The following EBF1 variants were observed in gnomAD, a reference collection of about 807,000 sequenced individuals.
EBF1 encodes EBF transcription factor 1.
In EBF1, 10 loss-of-function variants were observed where a neutral mutation model predicts 68.4. The observed-to-expected ratio is 0.15, with a 90% CI of 0.09 to 0.25. EBF1 has a LOEUF of 0.25. EBF1 is among the 10% of genes least tolerant of loss of function. The probability of loss-of-function intolerance (pLI) is 1.00; values close to 1 mark genes in which losing one functional copy is unlikely to be tolerated. For synonymous variants in EBF1, 298 were observed against 299.8 expected (o/e 0.99, Z 0.06); for missense variants, 509 against 794.4 (o/e 0.64, Z 4.32).
intron 7 of EBF1, among the ~76,000 whole-genome samples, chr5:158,832,001 G>A (rs1193848846): frequency 2.0e-5 from 3 of 152,178 alleles, no homozygotes; most frequent in African/African-American, 7.2e-5. Context: ...GATTATACAT[G>A]TATAACACTT....
chr5:159,084,545 T>C (rs1396661046), intron 5 of EBF1, 121 bp downstream of exon 5: 1 of 774,164 alleles, frequency 1.3e-6, no homozygotes, highest in Non-Finnish European at 1.9e-6. Context: ...TTTTAGATTG[T>C]CTATAGAAGC....
chr5:158,794,150 C>T (rs1026932513), intron 9 of EBF1, among the ~76,000 whole-genome samples: 5 of 152,144 alleles, frequency 3.3e-5, no homozygotes, highest in African/African-American at 1.2e-4. Flanking sequence ...AAAGCAGGGG[C>T]TGGACAATGA....
At chr5:158,817,657 C>T (rs1170748605) in intron 8 of EBF1, among the ~76,000 whole-genome samples, 2 of 152,190 alleles carry the variant, frequency 1.3e-5, no homozygotes, top group South Asian at 4.1e-4. Context: ...CTCATCTCTT[C>T]GGTTTTGGCA....
chr5:158,975,477 C>T (rs748850715), intron 6 of EBF1, among the ~76,000 whole-genome samples: 5 of 150,864 alleles, frequency 3.3e-5, no homozygotes, highest in South Asian at 2.1e-4. Context: ...CTTTTTTAAA[C>T]GAAAGAGTTT....
At chr5:158,866,504 T>C (rs1007152771) in intron 6 of EBF1, among the ~76,000 whole-genome samples, 1 of 152,106 alleles carries the variant, frequency 6.6e-6, no homozygotes, top group Non-Finnish European at 1.5e-5. Flanking sequence ...TTACTATTAA[T>C]GTAGCTAATA....
chr5:158,873,844 C>A (rs1383772396), intron 6 of EBF1, among the ~76,000 whole-genome samples: 1 of 152,198 alleles, frequency 6.6e-6, no homozygotes, highest in African/African-American at 2.4e-5. Context: ...CACTTAAAAG[C>A]ATCCAGCAGT....
chr5:158,874,167 T>C lies in EBF1; in HGVS notation c.555-34057A>G, dbSNP rs1361434754. ...CTGCCATGAATTTTTCTGTTTTTCC[T>C]CTTTAAACATGGATACTGATAATGA... On this transcript the variant is annotated intron_variant, in intron 6 of 15. Transcript: ENST00000313708. Among the ~76,000 whole-genome samples the C allele has an allele frequency of 3.3e-5, 5 of 152,322 alleles. No individual in the cohort carries two copies. In the South Asian group the frequency reaches 8.3e-4, roughly 25 times the overall value.
rs1035748713 is a variant in EBF1, at chr5:158,896,291, T to G, written c.555-56181A>C. On this transcript the variant is annotated intron_variant, in intron 6 of 15. Transcript: ENST00000313708. ...TTTGCTATATTGATGGGAAGTTGAG[T>G]TTTTTTTCCTCAACTATTACCTATT... 1.3e-4 allele frequency among the ~76,000 whole-genome samples: 20 copies of G among 152,054 alleles called. 1 individual carries two copies. The highest frequency in any genetic ancestry group is 7.2e-4 in the Admixed American group (11 of 15,266).
At chr5:158,900,427 AAG>A (rs1024009463) in intron 6 of EBF1, among the ~76,000 whole-genome samples, 8 of 152,230 alleles carry the variant, frequency 5.3e-5, no homozygotes, top group African/African-American at 1.9e-4. Context: ...AAAATGATAA[AAG>A]AACTGTCATC....
chr5:158,876,263 C>T (rs1386477237), intron 6 of EBF1, among the ~76,000 whole-genome samples: 1 of 152,180 alleles, frequency 6.6e-6, no homozygotes. Context: ...CCTTTAGCCT[C>T]CCAATACCTC....
intron 6 of EBF1, among the ~76,000 whole-genome samples, chr5:159,067,930 TC>T (rs1218690295): frequency 6.6e-6 from 1 of 152,174 alleles, no homozygotes; most frequent in Non-Finnish European, 1.5e-5. Context: ...GAATTCCTCC[TC>T]CTTTTATTTT....
chr5:158,905,559 T>C (rs919999082), intron 6 of EBF1, among the ~76,000 whole-genome samples: 6 of 152,186 alleles, frequency 3.9e-5, no homozygotes, highest in Non-Finnish European at 5.9e-5. Context: ...ATATTTATCT[T>C]ACTGAAAAAT....
At chr5:159,089,536 C>T (rs557401267) in intron 4 of EBF1, among the ~76,000 whole-genome samples, 2 of 152,278 alleles carry the variant, frequency 1.3e-5, no homozygotes, top group East Asian at 3.9e-4. Flanking sequence ...ACCGGGATCA[C>T]ACTTCAATAG....
chr5:158,961,033 A>G (rs1007088892), intron 6 of EBF1, among the ~76,000 whole-genome samples: 2 of 152,252 alleles, frequency 1.3e-5, no homozygotes, highest in African/African-American at 4.8e-5. Flanking sequence ...TGAATAGGCA[A>G]TTCACCAAAA....
chr5:158,741,214 G>A (rs896678997), intron 10 of EBF1, among the ~76,000 whole-genome samples: 4 of 152,046 alleles, frequency 2.6e-5, no homozygotes, highest in African/African-American at 7.2e-5. Context: ...TTTTCACGTG[G>A]CACTTTTTTT....
intron 9 of EBF1, among the ~76,000 whole-genome samples, chr5:158,786,311 G>A (rs1777435619): frequency 6.6e-6 from 1 of 152,100 alleles, no homozygotes; most frequent in Admixed American, 6.5e-5. Context: ...ATGGCAACAA[G>A]ATCATCTTTC....
intron 15 of EBF1, among the ~76,000 whole-genome samples, chr5:158,705,648 C>G (rs1482012004): frequency 2.0e-5 from 3 of 152,186 alleles, no homozygotes; most frequent in African/African-American, 7.2e-5. Flanking sequence ...AGGCACATAC[C>G]CTCATCCAGA....
intron 6 of EBF1, among the ~76,000 whole-genome samples, chr5:158,925,028 T>G (rs1335548523): frequency 1.3e-5 from 2 of 152,082 alleles, no homozygotes; most frequent in Non-Finnish European, 2.9e-5. Flanking sequence ...TGTGCAGCTT[T>G]CTTTCTGTTC....
chr5:158,909,956 T>TTA (rs772406186), intron 6 of EBF1, among the ~76,000 whole-genome samples: 8 of 46,736 alleles, frequency 1.7e-4, no homozygotes, highest in African/African-American at 5.1e-4. Context: ...ACTCTGTCTA[T>TTA]AAAAAAAAAA....
Sources: gnomAD v4.1 joint callset for allele counts (sites outside exome capture counted in the v4.1 genomes callset) on GRCh38, gnomAD v4.1.1 for gene constraint, MANE v1.5 for transcripts, NCBI Gene and HGNC (gene_info 2026-07-23, HGNC 2026-07-21) for gene names.